DAB1: variants seen among roughly 807,000 people sequenced by gnomAD.
DAB1 encodes the protein disabled homolog 1.
DAB1 carries 15 observed loss-of-function variants against 64.6 expected under a neutral mutation model. That is an observed-to-expected ratio of 0.23 (90% confidence interval 0.16 to 0.36). The LOEUF is 0.36. DAB1 is among the 10% of genes least tolerant of loss of function. The probability of loss-of-function intolerance (pLI) is 1.00; values close to 1 mark genes in which losing one functional copy is unlikely to be tolerated. For synonymous variants in DAB1, 235 were observed against 251.9 expected (o/e 0.93, Z 0.64); for missense variants, 596 against 706.7 (o/e 0.84, Z 1.78).
chr1:58,282,637 G>T (rs1226234294), intron 4 of DAB1, among the ~76,000 whole-genome samples: 2 of 151,162 alleles, frequency 1.3e-5, no homozygotes, highest in Non-Finnish European at 2.9e-5. Flanking sequence ...GTGGGGAGCA[G>T]GCAATAGAAG....
intron 1 of DAB1, among the ~76,000 whole-genome samples, chr1:57,871,264 A>G (rs1643944323): frequency 1.4e-5 from 2 of 142,140 alleles, no homozygotes; most frequent in African/African-American, 4.9e-5. Context: ...TAACTATCTA[A>G]GAGGTATAAC....
At chr1:57,607,469 T>C (rs528356438) in intron 7 of DAB1, among the ~76,000 whole-genome samples, 112 of 152,296 alleles carry the variant, frequency 7.4e-4, no homozygotes, top group Non-Finnish European at 6.2e-4. Flanking sequence ...TAAGAGTTAT[T>C]GTCTACCCAG....
chr1:58,117,735 G>T (rs1652424160), intron 5 of DAB1, among the ~76,000 whole-genome samples: 1 of 151,972 alleles, frequency 6.6e-6, no homozygotes, highest in Admixed American at 6.6e-5. Flanking sequence ...TTAGAAACGG[G>T]AAAATGAAAC....
chr1:57,583,449 G>A (rs1645339395), intron 7 of DAB1, among the ~76,000 whole-genome samples: 1 of 151,890 alleles, frequency 6.6e-6, no homozygotes, highest in African/African-American at 2.4e-5. Context: ...AATATGCCCA[G>A]CTAATTTTTG....
At chr1:57,756,738 A>G (rs1648828074) in intron 6 of DAB1, among the ~76,000 whole-genome samples, 1 of 152,154 alleles carries the variant, frequency 6.6e-6, no homozygotes. Flanking sequence ...AAAAAAGTTG[A>G]AGTCCAGAAA....
chr1:58,333,146 T>C (rs1236544003), intron 4 of DAB1, among the ~76,000 whole-genome samples: 3 of 152,098 alleles, frequency 2.0e-5, no homozygotes, highest in Admixed American at 6.5e-5. Context: ...CAGACCTGTT[T>C]ATTTTTTTCC....
chr1:57,143,444 G>GA (rs200235363), intron 3 of DAB1, among the ~76,000 whole-genome samples: 7 of 150,040 alleles, frequency 4.7e-5, no homozygotes, highest in Non-Finnish European at 7.4e-5. Context: ...CTTAATTATT[G>GA]AAAAAAAAAG....
At chr1:58,042,829 A>C (rs1422906955) in intron 5 of DAB1, among the ~76,000 whole-genome samples, 2 of 152,238 alleles carry the variant, frequency 1.3e-5, no homozygotes, top group African/African-American at 4.8e-5. Context: ...GGGGCACCAC[A>C]GACAGATATT....
At chr1:57,818,302 C>T (rs1042673635) in intron 6 of DAB1, among the ~76,000 whole-genome samples, 1 of 152,146 alleles carries the variant, frequency 6.6e-6, no homozygotes, top group Non-Finnish European at 1.5e-5. Context: ...TCCTCCACTG[C>T]CAAGTCCTTC....
intron 4 of DAB1, among the ~76,000 whole-genome samples, chr1:57,074,403 C>T (rs908982318): frequency 1.3e-5 from 2 of 152,046 alleles, no homozygotes; most frequent in Non-Finnish European, 2.9e-5. Context: ...AGCTCTTATT[C>T]CATCTTCCCA....
chr1:57,740,937 T>C (rs946918501), intron 6 of DAB1, among the ~76,000 whole-genome samples: 1 of 152,144 alleles, frequency 6.6e-6, no homozygotes, highest in Admixed American at 6.6e-5. Flanking sequence ...GAGGGCTTCA[T>C]GGAGGAGGGG....
intron 2 of DAB1, among the ~76,000 whole-genome samples, chr1:57,188,349 G>A (rs1328558232): frequency 6.6e-6 from 1 of 152,106 alleles, no homozygotes; most frequent in East Asian, 1.9e-4. Flanking sequence ...ATCATGACAT[G>A]TGATAGTGGT....
chr1:58,221,034 A>C (rs1333038001), intron 4 of DAB1, among the ~76,000 whole-genome samples: 1 of 143,162 alleles, frequency 7.0e-6, no homozygotes, highest in East Asian at 2.0e-4. Flanking sequence ...ACATTCTTAG[A>C]GAGCTGTGGT....
intron 5 of DAB1, among the ~76,000 whole-genome samples, chr1:57,925,718 C>A (rs1644869391): frequency 6.6e-6 from 1 of 152,178 alleles, no homozygotes. Flanking sequence ...AGGACAATAC[C>A]TAAGTTAATG....
chr1:58,159,233 T>C (rs1655381055), intron 4 of DAB1, among the ~76,000 whole-genome samples: 1 of 152,180 alleles, frequency 6.6e-6, no homozygotes, highest in African/African-American at 2.4e-5. Flanking sequence ...AGATAATACA[T>C]GTACAGCATG....
intron 4 of DAB1, among the ~76,000 whole-genome samples, chr1:58,336,827 G>T (rs1214641067): frequency 6.6e-6 from 1 of 152,202 alleles, no homozygotes; most frequent in East Asian, 1.9e-4. Context: ...GCCTTTGAAA[G>T]TTGGAGGTTA....
chr1:58,041,395 T>C (rs1035303819), intron 5 of DAB1, among the ~76,000 whole-genome samples: 2 of 152,208 alleles, frequency 1.3e-5, no homozygotes, highest in Non-Finnish European at 2.9e-5. Flanking sequence ...GCCCTCAGCA[T>C]ATGATTGTGG....
chr1:58,097,712 G>C (rs1413947625), intron 5 of DAB1, among the ~76,000 whole-genome samples: 1 of 152,198 alleles, frequency 6.6e-6, no homozygotes, highest in African/African-American at 2.4e-5. Flanking sequence ...GGTAGGGGGT[G>C]TTGGTACCAG....
At position 58,287,593 on chromosome 1, in the gene DAB1, G is replaced by A. The variant is rs551678423; in HGVS notation, n.309+55759C>T. Among the ~76,000 whole-genome samples the A allele has an allele frequency of 7.9e-5, 12 of 152,168 alleles. No homozygotes were observed. In the East Asian group the frequency reaches 2.3e-3, roughly 29 times the overall value. On this transcript the variant is annotated intron_variant and non_coding_transcript_variant, in intron 4 of 20. Coordinates refer to the DAB1 transcript ENST00000485760. ...TAGGGGGGCTTTGCTCAGCAACTGG[G>A]TTTTAAGAGCAACTGCCTCAAGGGG...
Sources: gnomAD v4.1 joint callset for allele counts (sites outside exome capture counted in the v4.1 genomes callset) on GRCh38, gnomAD v4.1.1 for gene constraint, MANE v1.5 for transcripts, NCBI Gene and HGNC (gene_info 2026-07-23, HGNC 2026-07-21) for gene names.